Variants in PGAM2 observed in about 807,000 individuals in gnomAD.
PGAM2 encodes phosphoglycerate mutase 2, also known as BPG-dependent PGAM 2.
In PGAM2, 23 loss-of-function variants were observed where a neutral mutation model predicts 22.5. The observed-to-expected ratio is 1.02, with a 90% CI of 0.74 to 1.45. The LOEUF is 1.45. Among genes scored for constraint, PGAM2 ranks in the 40% most tolerant of loss-of-function variants. The pLI is 0.00. For missense variants in PGAM2, 349 were observed against 356.2 expected (o/e 0.98, Z 0.16); for synonymous variants, 133 against 138.6 (o/e 0.96, Z 0.29).
Position 44,065,442 on chromosome 7 carries a change from G to C in PGAM2, c.88C>G (p.Leu30Val), listed in dbSNP as rs765460724. ...NRFCGWFDAE[L>V]SEKGTEEAKR... The stretch of plus-strand genomic sequence containing the variant: ...GCCTCCTCGGTCCCCTTTTCACTCA[G>C]CTCTGCATCGAACCAGCCACAGAAA... The change falls in exon 1 of 3, where the codon CTG (leucine) becomes GTG (valine). Residue 30 changes from leucine to valine, a missense_variant. Coordinates refer to ENST00000297283, the MANE Select transcript of PGAM2 (RefSeq NM_000290.4). The C allele has an allele frequency of 2.5e-6, 4 of 1,614,046 alleles. No homozygotes were observed. Among genetic ancestry groups the C allele is most frequent in the Non-Finnish European group, 3.4e-6 (4 of 1,180,026 alleles).
chr7:44,064,640 G>A lies in PGAM2; in HGVS notation c.595+192C>T. ...AGTGCAGTCAGCCCCTGTGGAGTGTGTCCCAGTTACACAGAAATGGGGAAA... is the reference window on the plus strand; with the variant it reads ...AGTGCAGTCAGCCCCTGTGGAGTGTATCCCAGTTACACAGAAATGGGGAAA... On this transcript the variant is annotated intron_variant, in intron 2 of 2. Transcript: ENST00000297283. The A allele has an allele frequency of 1.1e-5, 7 of 626,490 alleles. No individual in the cohort carries two copies. In the South Asian group the frequency reaches 1.3e-4, roughly 12 times the overall value. The allele number at this position is 626,490 out of a possible 1,614,324, so 38.8% of individuals were successfully genotyped here.
At chr7:44,062,993 C>T (rs1370166013) in intron 2 of PGAM2, 63 bp from the exon 3 acceptor site, 2 of 1,550,028 alleles carry the variant, frequency 1.3e-6, no homozygotes, top group Non-Finnish European at 1.8e-6. Context: ...ACAGCAGACA[C>T]TATGTGACCT....
intron 2 of PGAM2, chr7:44,063,506 C>T (rs539156001): frequency 9.2e-4 from 163 of 176,492 alleles, no homozygotes; most frequent in South Asian, 1.1e-3. Context: ...TCTCAAACTC[C>T]TGACCTCAGG....
Position 44,064,842 on chromosome 7 carries a change from C to G in PGAM2, c.585G>C (p.Lys195Asn). 1.5e-6 allele frequency: 2 copies of G among 1,298,580 alleles called. No individual in the cohort carries two copies. The highest frequency in any genetic ancestry group is 2.1e-6 in the Non-Finnish European group (2 of 967,220). The allele number at this position is 1,298,580 out of a possible 1,614,324, so 80.4% of individuals were successfully genotyped here. The change falls in exon 2 of 3, where the codon AAG becomes AAC. Residue 195 changes from lysine (K) to asparagine (N), a missense_variant. Physicochemically the swap from Lys to Asn is moderately conservative, Grantham distance 94. Transcript: ENST00000297283. ...TGAAGGTGGCCTCACCTTCCAGGTG[C>G]TTGACAATGCCCCGCAGGCTGTTCC... is the stretch of plus-strand genomic sequence containing the variant. ...AHGNSLRGIV[K>N]HLEGMSDQAI... is the part of the protein sequence containing the mutation.
At chr7:44,064,737 A>G (rs2096155795) in intron 2 of PGAM2, 95 bp downstream of exon 2, 1 of 1,120,402 alleles carries the variant, frequency 8.9e-7, no homozygotes, top group African/African-American at 1.5e-5. Flanking sequence ...CACGCCTAGA[A>G]AGCCTGGTCC....
chr7:44,064,801 A>AGCC, intron 2 of PGAM2, 31 bp downstream of exon 2: 8 of 706,512 alleles, frequency 1.1e-5, no homozygotes, highest in East Asian at 3.9e-5. Context: ...CTGCCCACCC[A>AGCC]CCCTGCCCAG....
intron 2 of PGAM2, 35 bp downstream of exon 2, chr7:44,064,797 A>AGCCCCCGGGCCAGGAGGTGGG: frequency 1.6e-6 from 1 of 633,308 alleles, no homozygotes; most frequent in Non-Finnish European, 2.8e-6. Context: ...GCTGCTGCCC[A>AGCCCCCGGGCCAGGAGGTGGG]CCCACCCTGC....
intron 2 of PGAM2, 35 bp downstream of exon 2, chr7:44,064,797 A>AACATCAAGGGGG: frequency 1.6e-6 from 1 of 633,308 alleles, no homozygotes; most frequent in Non-Finnish European, 2.8e-6. Flanking sequence ...GCTGCTGCCC[A>AACATCAAGGGGG]CCCACCCTGC....
intron 2 of PGAM2, 39 bp downstream of exon 2, chr7:44,064,793 G>GGCCCCCCCCCCCCCCCCCCC: frequency 3.4e-5 from 39 of 1,136,896 alleles, no homozygotes; most frequent in Middle Eastern, 2.8e-4. Flanking sequence ...TGGGGCTGCT[G>GGCCCCCCCCCCCCCCCCCCC]CCCACCCACC....
At chr7:44,063,130 G>A in intron 2 of PGAM2, 200 bp from the exon 3 acceptor site, 1 of 616,392 alleles carries the variant, frequency 1.6e-6, no homozygotes. Flanking sequence ...AAATAGCCCA[G>A]TGGTGAAAAA....
chr7:44,064,743 G>A, intron 2 of PGAM2, 89 bp downstream of exon 2: 1 of 1,167,384 alleles, frequency 8.6e-7, no homozygotes, highest in Non-Finnish European at 1.2e-6. Context: ...TAGAAAGCCT[G>A]GTCCATGGGC....
intron 2 of PGAM2, chr7:44,064,348 C>A: frequency 4.7e-6 from 1 of 211,156 alleles, no homozygotes; most frequent in East Asian, 1.2e-4. Context: ...GGTGGTGAAG[C>A]TCATGCAGGG....
chr7:44,063,259 C>G (rs1422071630), intron 2 of PGAM2: 5 of 381,242 alleles, frequency 1.3e-5, no homozygotes, highest in Non-Finnish European at 2.4e-5. Context: ...GACACTCACC[C>G]TTTGTTTTTT....
intron 2 of PGAM2, 29 bp downstream of exon 2, chr7:44,064,803 C>T: frequency 1.4e-6 from 2 of 1,431,518 alleles, no homozygotes; most frequent in Non-Finnish European, 1.9e-6. Context: ...GCCCACCCAC[C>T]CTGCCCAGGC....
chr7:44,064,793 G>GGCCCCCCCCCCAC, intron 2 of PGAM2, 39 bp downstream of exon 2: 3 of 1,136,974 alleles, frequency 2.6e-6, no homozygotes, highest in Non-Finnish European at 3.9e-6. Context: ...TGGGGCTGCT[G>GGCCCCCCCCCCAC]CCCACCCACC....
In PGAM2 at chr7:44,065,279, G is replaced by T. The variant is rs1279915046; in HGVS notation, c.251C>A (p.Thr84Asn). 3 of 1,613,584 alleles carry T rather than the reference G, an allele frequency of 1.9e-6. No individual in the cohort carries two copies. Among genetic ancestry groups the T allele is most frequent in the Admixed American group, 3.3e-5 (2 of 60,004 alleles). Residue 84 changes from threonine (T) to asparagine (N), a missense_variant, in exon 1 of 3, where the codon ACT becomes AAT. Transcript: ENST00000297283. ...GTAATGCCGCTCATTGAGGCGCCAA[G>T]TGCGCACCACAGGCAGCCACATCTG... ...TDQMWLPVVR[T>N]WRLNERHYGG...
intron 2 of PGAM2, 52 bp from the exon 3 acceptor site, chr7:44,062,982 C>T: frequency 1.3e-6 from 2 of 1,576,510 alleles, no homozygotes; most frequent in Non-Finnish European, 1.7e-6. Context: ...AGCCTGTTTA[C>T]ACAGCAGACA....
chr7:44,064,799 C>CCCCG, intron 2 of PGAM2, 33 bp downstream of exon 2: 1 of 1,212,906 alleles, frequency 8.2e-7, no homozygotes, highest in Non-Finnish European at 1.2e-6. Flanking sequence ...TGCTGCCCAC[C>CCCCG]CACCCTGCCC....
At chr7:44,063,732 CCTT>C (rs2096153693) in intron 2 of PGAM2, 1 of 153,730 alleles carries the variant, frequency 6.5e-6, no homozygotes. Flanking sequence ...AGCAGCTCGA[CCTT>C]TGATGTTCGC....
Sources: gnomAD v4.1 joint callset for allele counts on GRCh38, gnomAD v4.1.1 for gene constraint, MANE v1.5 for transcripts, NCBI Gene and HGNC (gene_info 2026-07-23, HGNC 2026-07-21) for gene names.